Variants in TRIO observed in about 807,000 individuals in gnomAD.
TRIO encodes trio Rho guanine nucleotide exchange factor, also known as triple functional domain protein.
Under a neutral mutation model 351.9 loss-of-function variants are expected in TRIO, and 58 were observed. That is an observed-to-expected ratio of 0.16 (90% CI 0.13 to 0.21). TRIO has a LOEUF of 0.21. Ranked by LOEUF, TRIO falls within the 10% of genes least tolerant of loss-of-function variation. TRIO has a pLI of 1.00. For missense variants in TRIO, 3,201 were observed against 4,027.8 expected, an observed-to-expected ratio of 0.79 and a Z score of 5.56; for synonymous variants, 1,758 against 1,595.7, an observed-to-expected ratio of 1.10 and a Z score of -2.42.
At chr5:14,359,621 G>A in intron 13 of TRIO, 90 bp downstream of exon 13, 6 of 1,477,290 alleles carry the variant, frequency 4.1e-6, no homozygotes, top group South Asian at 1.3e-5. Flanking sequence ...GCCCTGCTGA[G>A]GTCCTGTGTC....
intron 1 of TRIO, among the ~76,000 whole-genome samples, chr5:14,218,048 A>G (rs913848723): frequency 6.6e-6 from 1 of 152,226 alleles, no homozygotes; most frequent in African/African-American, 2.4e-5. Flanking sequence ...TAGTATAACT[A>G]TAGTTCATGT....
At chr5:14,500,888 CAAAAAAAAAAAA>C (rs34729667) in intron 53 of TRIO, among the ~76,000 whole-genome samples, 1 of 63,572 alleles carries the variant, frequency 1.6e-5, no homozygotes, top group Admixed American at 2.1e-4. Flanking sequence ...GACTCTGCCT[CAAAAAAAAAAAA>C]AAAAAAAAAA....
intron 7 of TRIO, among the ~76,000 whole-genome samples, chr5:14,300,141 C>G (rs117662843): frequency 1.3e-5 from 2 of 152,240 alleles, no homozygotes. Flanking sequence ...CTTAGGGGCT[C>G]CAGCCTTCGC....
chr5:14,278,196 G>A (rs1408894172), intron 2 of TRIO, among the ~76,000 whole-genome samples: 1 of 152,220 alleles, frequency 6.6e-6, no homozygotes, highest in Non-Finnish European at 1.5e-5. Context: ...TTGGAAAAGT[G>A]TAGTAGGGGC....
chr5:14,227,482 A>G (rs1793123070), intron 1 of TRIO, among the ~76,000 whole-genome samples: 1 of 152,214 alleles, frequency 6.6e-6, no homozygotes, highest in South Asian at 2.1e-4. Context: ...ACTAAGTGGC[A>G]TACTCCAGTT....
At chr5:14,491,398 C>T (rs1756471858) in intron 48 of TRIO, among the ~76,000 whole-genome samples, 1 of 152,168 alleles carries the variant, frequency 6.6e-6, no homozygotes, top group African/African-American at 2.4e-5. Context: ...ATGAACATCC[C>T]GACAGTACCC....
chr5:14,306,143 G>T (rs1320680696), intron 8 of TRIO, among the ~76,000 whole-genome samples: 2 of 152,206 alleles, frequency 1.3e-5, no homozygotes, highest in East Asian at 1.9e-4. Flanking sequence ...CAGAATGTGG[G>T]CAGTCCTTCT....
chr5:14,397,658 T>G (rs1349523783), intron 29 of TRIO, among the ~76,000 whole-genome samples: 1 of 152,186 alleles, frequency 6.6e-6, no homozygotes, highest in African/African-American at 2.4e-5. Flanking sequence ...TGCCTCTGTT[T>G]AAGAAAGCTC....
chr5:14,505,569 G>A (rs549397164), intron 55 of TRIO, among the ~76,000 whole-genome samples: 7 of 152,260 alleles, frequency 4.6e-5, no homozygotes, highest in East Asian at 3.9e-4. Context: ...GCCCCTCGCC[G>A]GCAGGAACTC....
chr5:14,504,516 G>C lies in TRIO; in HGVS notation c.8535G>C (p.Gln2845His). 1 of 1,614,140 alleles carries C rather than the reference G, an allele frequency of 6.2e-7. No homozygotes were observed. The highest frequency in any genetic ancestry group is 8.5e-7 in the Non-Finnish European group (1 of 1,180,040). Residue 2845 changes from glutamine to histidine, a missense_variant, in exon 55 of 57, where the codon CAG becomes CAC. By Grantham distance (24) the Gln-to-His change is conservative. Around this residue, in one of 19 missense-constraint regions of TRIO, gnomAD observed 1,089 missense variants for 954.9 expected, o/e 1.14. Transcript: ENST00000344204. The part of the protein sequence containing the change: ...DQVTHELGIL[Q>H]SLQHPLLVGL... ...TCACCCATGAGCTTGGCATCCTGCA[G>C]AGCCTCCAGCACCCCCTGCTTGTCG...
At chr5:14,346,401 C>G (rs1447945814) in intron 11 of TRIO, among the ~76,000 whole-genome samples, 4 of 152,206 alleles carry the variant, frequency 2.6e-5, no homozygotes, top group Non-Finnish European at 5.9e-5. Flanking sequence ...CACGTTCAAG[C>G]CTCTGTTCTA....
chr5:14,465,281 CTG>C (rs1248653503), intron 36 of TRIO, among the ~76,000 whole-genome samples: 1 of 152,182 alleles, frequency 6.6e-6, no homozygotes, highest in East Asian at 1.9e-4. Flanking sequence ...GAAAAAAACA[CTG>C]TGATGTTACA....
intron 33 of TRIO, 92 bp downstream of exon 33, chr5:14,406,764 A>G: frequency 1.5e-6 from 2 of 1,333,396 alleles, no homozygotes; most frequent in Non-Finnish European, 2.1e-6. Context: ...ACAGTTTGTC[A>G]TCAACATTTT....
chr5:14,487,022 A>T (rs1297648552), intron 47 of TRIO, among the ~76,000 whole-genome samples: 1 of 152,200 alleles, frequency 6.6e-6, no homozygotes, highest in Non-Finnish European at 1.5e-5. Flanking sequence ...CTCCCGCTCC[A>T]GGGGCCTCTA....
At chr5:14,394,558 C>G (rs1002957334) in intron 28 of TRIO, among the ~76,000 whole-genome samples, 1 of 152,154 alleles carries the variant, frequency 6.6e-6, no homozygotes, top group African/African-American at 2.4e-5. Context: ...TTAACAGGCT[C>G]AGCTCAGAAC....
chr5:14,273,400 T>C (rs1274505515), intron 2 of TRIO, among the ~76,000 whole-genome samples: 1 of 152,242 alleles, frequency 6.6e-6, no homozygotes. Flanking sequence ...TTAAGTAAGA[T>C]AGAATGTACT....
chr5:14,229,331 A>G (rs1026408917), intron 1 of TRIO, among the ~76,000 whole-genome samples: 2 of 152,254 alleles, frequency 1.3e-5, no homozygotes, highest in East Asian at 1.9e-4. Context: ...CACAGTACAC[A>G]TAAGATGGCA....
intron 34 of TRIO, among the ~76,000 whole-genome samples, chr5:14,448,633 C>T (rs1752612862): frequency 1.3e-5 from 2 of 152,224 alleles, no homozygotes; most frequent in Non-Finnish European, 2.9e-5. Flanking sequence ...CCACTACCCC[C>T]AGCCAGTACT....
At chr5:14,367,303 G>C (rs1744689107) in intron 16 of TRIO, among the ~76,000 whole-genome samples, 1 of 152,130 alleles carries the variant, frequency 6.6e-6, no homozygotes, top group South Asian at 2.1e-4. Context: ...ATCTGGAATG[G>C]CTCAGAACCG....
Sources: allele counts gnomAD v4.1 joint callset (sites outside exome capture counted in the v4.1 genomes callset), GRCh38; gene constraint gnomAD v4.1.1; regional missense constraint gnomAD v4.1.1; transcripts MANE v1.5; gene names NCBI Gene and HGNC (gene_info 2026-07-23, HGNC 2026-07-21).